DTNB: variants seen among roughly 807,000 people sequenced by gnomAD.
DTNB encodes DTN-B.
In DTNB, 63 loss-of-function variants were observed where a neutral mutation model predicts 90.7. The observed-to-expected ratio is 0.69, with a 90% confidence interval of 0.57 to 0.86. DTNB has a LOEUF of 0.86. Ranked by LOEUF, DTNB falls within the 40% of genes least tolerant of loss-of-function variation. DTNB has a pLI of 0.00. For synonymous variants in DTNB, 277 were observed against 286.7 expected (o/e 0.97, Z 0.34); for missense variants, 744 against 807.1 (o/e 0.92, Z 0.95).
At chr2:25,420,626 G>T (rs550154302) in intron 15 of DTNB, among the ~76,000 whole-genome samples, 1 of 152,168 alleles carries the variant, frequency 6.6e-6, no homozygotes, top group Admixed American at 6.5e-5. Context: ...TGGGATTACA[G>T]GCATGTGTCA....
chr2:25,561,079 T>C (rs574517710), intron 8 of DTNB, among the ~76,000 whole-genome samples: 2 of 152,354 alleles, frequency 1.3e-5, no homozygotes, highest in African/African-American at 4.8e-5. Context: ...TCTGTCTTTC[T>C]AGCACATTCC....
chr2:25,668,434 T>C (rs532478296), intron 1 of DTNB, among the ~76,000 whole-genome samples: 3 of 152,222 alleles, frequency 2.0e-5, no homozygotes, highest in Admixed American at 6.5e-5. Context: ...GTCTGTACTG[T>C]TGAGTATTTT....
chr2:25,413,614 CA>C (rs2149745976), intron 16 of DTNB, among the ~76,000 whole-genome samples: 1 of 152,270 alleles, frequency 6.6e-6, no homozygotes, highest in African/African-American at 2.4e-5. Flanking sequence ...TTTATGGCTG[CA>C]TAGTATTCCA....
intron 8 of DTNB, chr2:25,558,080 G>A: frequency 2.2e-6 from 1 of 453,346 alleles, no homozygotes; most frequent in Non-Finnish European, 2.9e-6. Flanking sequence ...GAATGCCGGG[G>A]AGCACAGGAT....
chr2:25,385,440 G>A (rs1218271751), intron 18 of DTNB, among the ~76,000 whole-genome samples: 1 of 152,188 alleles, frequency 6.6e-6, no homozygotes, highest in Non-Finnish European at 1.5e-5. Context: ...CTGCATGTTA[G>A]AGGGATACCG....
intron 1 of DTNB, among the ~76,000 whole-genome samples, chr2:25,672,203 CAAAAAAAAAAAAAAAAAA>C (rs5829985): frequency 7.3e-4 from 31 of 42,474 alleles, no homozygotes; most frequent in African/African-American, 3.2e-3. Flanking sequence ...CCTCGCATAG[CAAAAAAAAAAAAAAAAAA>C]AAAAAAAAAA....
At chr2:25,580,908 C>T (rs2061471596) in intron 6 of DTNB, 82 bp from the exon 7 acceptor site, 3 of 1,250,872 alleles carry the variant, frequency 2.4e-6, no homozygotes, top group Middle Eastern at 2.3e-4. Context: ...TTTTTCCCAT[C>T]CAAACTTTAG....
chr2:25,419,872 G>A (rs1470635165), intron 15 of DTNB, among the ~76,000 whole-genome samples: 1 of 152,220 alleles, frequency 6.6e-6, no homozygotes, highest in Non-Finnish European at 1.5e-5. Context: ...AGGGGAATCT[G>A]AAAGAGGAAG....
Position 25,383,721 on chromosome 2 carries a change from C to T in DTNB, c.1879+115G>A, listed in dbSNP as rs546990736. On this transcript the variant is annotated intron_variant, in intron 19 of 20. Coordinates refer to ENST00000406818, the MANE Select transcript of DTNB (RefSeq NM_021907.5). ...AAAGTAGGTACAGGGACCTCGGGTC[C>T]GAAAGCTCTGGGAAAGGTGGTGGCA... The T allele has an allele frequency of 2.2e-4, 349 of 1,599,670 alleles. 5 individuals carry two copies. In the South Asian group the frequency reaches 3.4e-3, roughly 16 times the overall value.
At chr2:25,587,653 A>G (rs181609607) in intron 6 of DTNB, among the ~76,000 whole-genome samples, 38 of 152,308 alleles carry the variant, frequency 2.5e-4, no homozygotes, top group African/African-American at 8.7e-4. Flanking sequence ...TCCTTTTCTA[A>G]AAAGAAAACA....
At chr2:25,595,011 G>C (rs959103486) in intron 6 of DTNB, 9 of 152,250 alleles carry the variant, frequency 5.9e-5, no homozygotes, top group African/African-American at 2.2e-4. Context: ...TTTTAACCTA[G>C]AACATTTCAT....
At chr2:25,567,016 T>C (rs574941336) in intron 8 of DTNB, among the ~76,000 whole-genome samples, 3 of 152,332 alleles carry the variant, frequency 2.0e-5, no homozygotes, top group African/African-American at 7.2e-5. Flanking sequence ...ACAGGGGGCA[T>C]GGCAGACCCA....
chr2:25,484,301 C>T (rs183807798), intron 9 of DTNB, among the ~76,000 whole-genome samples: 3 of 152,346 alleles, frequency 2.0e-5, no homozygotes, highest in Admixed American at 1.3e-4. Flanking sequence ...AAGTCCTTCT[C>T]TCATATTTAG....
In DTNB at chr2:25,526,635, A is replaced by T. The variant is rs144468048; in HGVS notation, c.1001+4838T>A. Among the ~76,000 whole-genome samples the T allele has an allele frequency of 2.9e-3, 444 of 152,098 alleles. 3 individuals carry two copies. Among genetic ancestry groups the T allele is most frequent in the African/African-American group, 0.01 (426 of 41,514 alleles). On this transcript the variant is annotated intron_variant, in intron 9 of 20. Coordinates refer to ENST00000406818, the MANE Select transcript of DTNB (RefSeq NM_021907.5). ...GGTCTCAAACTCCTGACCTCAGATG[A>T]TCCACCCACCTTGGCCTCCCAAAGT...
intron 16 of DTNB, among the ~76,000 whole-genome samples, chr2:25,392,161 C>T (rs968264869): frequency 4.6e-5 from 7 of 152,152 alleles, no homozygotes; most frequent in African/African-American, 1.4e-4. Context: ...GTAATCCCAG[C>T]ACTTTGGGAG....
intron 2 of DTNB, among the ~76,000 whole-genome samples, chr2:25,643,188 A>C (rs1354406205): frequency 1.3e-5 from 2 of 152,058 alleles, no homozygotes; most frequent in Non-Finnish European, 2.9e-5. Flanking sequence ...GACTGCACAG[A>C]ATCACCCAAC....
intron 12 of DTNB, among the ~76,000 whole-genome samples, chr2:25,441,769 T>C (rs1170717708): frequency 6.6e-6 from 1 of 151,276 alleles, no homozygotes; most frequent in Non-Finnish European, 1.5e-5. Context: ...GCCAGGGTTG[T>C]TTTCAATCAG....
chr2:25,636,250 C>A (rs1396383836), intron 3 of DTNB, among the ~76,000 whole-genome samples: 2 of 152,060 alleles, frequency 1.3e-5, no homozygotes, highest in African/African-American at 4.8e-5. Flanking sequence ...TGTTTATTGA[C>A]CCTTTCAACA....
chr2:25,461,637 C>T lies in DTNB; in HGVS notation c.1080-6143G>A, dbSNP rs552151225. Among the ~76,000 whole-genome samples the T allele has an allele frequency of 2.6e-5, 4 of 152,250 alleles. No individual in the cohort carries two copies. In the East Asian group the frequency reaches 5.8e-4, roughly 22 times the overall value. ...ATACCCAATAGTTCTAACAGCATTA[C>T]TGATGGAAATTGAGCACCTGAAACA... On this transcript the variant is annotated intron_variant, in intron 10 of 20. Coordinates refer to ENST00000406818, the MANE Select transcript of DTNB (RefSeq NM_021907.5).
Sources: allele counts gnomAD v4.1 joint callset (sites outside exome capture counted in the v4.1 genomes callset), GRCh38; gene constraint gnomAD v4.1.1; transcripts MANE v1.5; gene names NCBI Gene and HGNC (gene_info 2026-07-23, HGNC 2026-07-21).